The following ADCY2 variants were observed in gnomAD, a reference collection of about 807,000 sequenced individuals.
The protein encoded by ADCY2 is adenylate cyclase 2.
A neutral mutation model predicts 125.2 loss-of-function variants in ADCY2; 31 were observed. The observed-to-expected ratio is 0.25, with a 90% CI of 0.19 to 0.33. The LOEUF is 0.33. Ranked by LOEUF, ADCY2 falls within the 10% of genes least tolerant of loss-of-function variation. The pLI, the probability that ADCY2 is intolerant of heterozygous loss-of-function variation, is 1.00. For missense variants in ADCY2, 904 were observed against 1,418.2 expected, an observed-to-expected ratio of 0.64 and a Z score of 5.82; for synonymous variants, 512 against 548.4, an observed-to-expected ratio of 0.93 and a Z score of 0.93.
At chr5:7,720,460 CAT>C (rs370418785) in intron 12 of ADCY2, among the ~76,000 whole-genome samples, 1,988 of 152,240 alleles carry the variant, frequency 0.013, 38 homozygotes, top group African/African-American at 0.046. Context: ...AGGTTTGTTA[CAT>C]GTGTATACAT....
At chr5:7,502,470 A>G (rs1743630587) in intron 2 of ADCY2, among the ~76,000 whole-genome samples, 1 of 152,206 alleles carries the variant, frequency 6.6e-6, no homozygotes, top group South Asian at 2.1e-4. Flanking sequence ...ACCAGGACAG[A>G]GAGGCAGGCT....
At chr5:7,404,599 G>A (rs530746972) in intron 1 of ADCY2, among the ~76,000 whole-genome samples, 2 of 152,278 alleles carry the variant, frequency 1.3e-5, no homozygotes, top group African/African-American at 4.8e-5. Flanking sequence ...AACTACTGGC[G>A]ATGAACACTT....
At chr5:7,790,870 T>C (rs183175325) in intron 20 of ADCY2, among the ~76,000 whole-genome samples, 10 of 152,300 alleles carry the variant, frequency 6.6e-5, no homozygotes, top group South Asian at 2.1e-4. Flanking sequence ...TTAGTGCTCA[T>C]TGAAACCACA....
intron 20 of ADCY2, chr5:7,794,319 C>T (rs1179568169): frequency 6.6e-6 from 1 of 152,128 alleles, no homozygotes; most frequent in African/African-American, 2.4e-5. Context: ...CATTGTAAGA[C>T]TTGGGGACTA....
intron 2 of ADCY2, among the ~76,000 whole-genome samples, chr5:7,497,673 C>T (rs187613166): frequency 5.0e-4 from 76 of 151,952 alleles, no homozygotes; most frequent in Admixed American, 1.5e-3. Context: ...CTTTCACGTA[C>T]AAGCTACCAG....
intron 1 of ADCY2, among the ~76,000 whole-genome samples, chr5:7,408,926 A>T (rs1472885194): frequency 6.6e-6 from 1 of 152,238 alleles, no homozygotes; most frequent in Admixed American, 6.5e-5. Flanking sequence ...AGACACATTT[A>T]TGTGAATATT....
intron 12 of ADCY2, among the ~76,000 whole-genome samples, chr5:7,720,811 G>C (rs894870763): frequency 6.6e-6 from 1 of 152,144 alleles, no homozygotes; most frequent in Non-Finnish European, 1.5e-5. Flanking sequence ...GGACATTTGG[G>C]TTGGTTCCAA....
At chr5:7,578,205 G>A (rs1248051004) in intron 3 of ADCY2, among the ~76,000 whole-genome samples, 1 of 152,174 alleles carries the variant, frequency 6.6e-6, no homozygotes, top group Non-Finnish European at 1.5e-5. Flanking sequence ...TAATGTGAAT[G>A]ACTTGGTGTT....
chr5:7,551,361 T>G (rs1200904467), intron 3 of ADCY2, among the ~76,000 whole-genome samples: 2 of 152,192 alleles, frequency 1.3e-5, no homozygotes, highest in Non-Finnish European at 2.9e-5. Context: ...GTTACTATTA[T>G]TGTCCCATTG....
At chr5:7,673,557 A>G (rs1481105876) in intron 4 of ADCY2, among the ~76,000 whole-genome samples, 1 of 152,054 alleles carries the variant, frequency 6.6e-6, no homozygotes, top group African/African-American at 2.4e-5. Flanking sequence ...TACTTCATCG[A>G]GGTAGGGTCC....
chr5:7,593,345 A>G (rs972807902), intron 3 of ADCY2, among the ~76,000 whole-genome samples: 1 of 152,216 alleles, frequency 6.6e-6, no homozygotes, highest in Non-Finnish European at 1.5e-5. Flanking sequence ...GACATGTGAC[A>G]AGAAAGTGAA....
At chr5:7,514,790 G>T (rs764192187) in intron 2 of ADCY2, among the ~76,000 whole-genome samples, 5 of 152,194 alleles carry the variant, frequency 3.3e-5, no homozygotes, top group African/African-American at 4.8e-5. Flanking sequence ...ATGTAAGATG[G>T]CAGTGGAGTG....
intron 4 of ADCY2, among the ~76,000 whole-genome samples, chr5:7,638,159 T>C (rs1365854215): frequency 1.3e-5 from 2 of 152,222 alleles, no homozygotes; most frequent in African/African-American, 4.8e-5. Flanking sequence ...GTGTTTGGCC[T>C]CCAGATGGAA....
chr5:7,407,114 T>C (rs985610335), intron 1 of ADCY2, among the ~76,000 whole-genome samples: 3 of 152,222 alleles, frequency 2.0e-5, no homozygotes, highest in Non-Finnish European at 2.9e-5. Context: ...ACGTCGCAGA[T>C]TGCATGGTGA....
At chr5:7,467,779 C>T (rs1742179763) in intron 2 of ADCY2, among the ~76,000 whole-genome samples, 2 of 152,210 alleles carry the variant, frequency 1.3e-5, no homozygotes, top group Admixed American at 6.6e-5. Flanking sequence ...TAAATCATTG[C>T]TGCATGGATA....
intron 3 of ADCY2, 59 bp from the exon 4 acceptor site, chr5:7,626,108 G>T: frequency 6.4e-7 from 1 of 1,550,648 alleles, no homozygotes; most frequent in South Asian, 1.2e-5. Flanking sequence ...ACTTTGTTTT[G>T]ATTGTATTCA....
intron 3 of ADCY2, among the ~76,000 whole-genome samples, chr5:7,623,792 C>T (rs1024902273): frequency 3.9e-5 from 6 of 152,198 alleles, no homozygotes; most frequent in African/African-American, 1.2e-4. Flanking sequence ...ACCTGCATAT[C>T]ACCTGCACAC....
chr5:7,442,853 G>A (rs181223896), intron 2 of ADCY2, among the ~76,000 whole-genome samples: 67 of 152,110 alleles, frequency 4.4e-4, no homozygotes, highest in Non-Finnish European at 8.8e-4. Context: ...TTTCTGGGGG[G>A]AGTTGCTTTC....
intron 2 of ADCY2, among the ~76,000 whole-genome samples, chr5:7,497,280 G>T (rs937631085): frequency 1.8e-4 from 27 of 152,260 alleles, no homozygotes; most frequent in African/African-American, 6.5e-4. Flanking sequence ...CAGATCTGTA[G>T]AGAATTACTT....
Sources: gnomAD v4.1 joint callset for allele counts (sites outside exome capture counted in the v4.1 genomes callset) on GRCh38, gnomAD v4.1.1 for gene constraint, MANE v1.5 for transcripts, NCBI Gene and HGNC (gene_info 2026-07-23, HGNC 2026-07-21) for gene names.